The following STIM1 variants were observed in gnomAD, a reference collection of about 807,000 sequenced individuals.
The protein encoded by STIM1 is stromal interaction molecule 1.
STIM1 carries 25 observed loss-of-function variants against 74.7 expected under a neutral mutation model. The observed-to-expected ratio is 0.33, with a 90% CI of 0.24 to 0.47. The LOEUF (loss-of-function observed/expected upper bound fraction) is 0.47. Ranked by LOEUF, STIM1 falls within the 20% of genes least tolerant of loss-of-function variation. The pLI is 1.00. For synonymous variants in STIM1, 328 were observed against 348.8 expected, an observed-to-expected ratio of 0.94 and a Z score of 0.66; for missense variants, 728 against 920.8, an observed-to-expected ratio of 0.79 and a Z score of 2.71.
chr11:4,074,593 CAGGA>C lies in STIM1; in HGVS notation c.886_889del (p.Glu296ProfsTer4). The C allele has an allele frequency of 6.2e-7, 1 of 1,613,260 alleles. No homozygotes were observed. The highest frequency in any genetic ancestry group is 1.1e-5 in the South Asian group (1 of 90,850). On this transcript the variant is annotated frameshift_variant, in exon 7 of 13. Coordinates refer to ENST00000526596, the MANE Select transcript of STIM1 (RefSeq NM_001382567.1). LOFTEE classifies it high-confidence loss of function. ...GCGCGATGAGATCAACCTTGCTAAG[CAGGA>C]AGCCCAGCGGCTGAAGGAGCTGCGG... is the stretch of plus-strand genomic sequence containing the variant.
chr11:3,972,352 G>GTGCAA (rs2093404260), intron 2 of STIM1, among the ~76,000 whole-genome samples: 1 of 152,176 alleles, frequency 6.6e-6, no homozygotes, highest in Non-Finnish European at 1.5e-5. Context: ...CATGTCTTCA[G>GTGCAA]GGCCTCTTGC....
At chr11:3,860,977 C>T (rs576314399) in intron 1 of STIM1, among the ~76,000 whole-genome samples, 2 of 152,014 alleles carry the variant, frequency 1.3e-5, no homozygotes, top group Admixed American at 6.6e-5. Context: ...GGGTTAAAAG[C>T]GATCTGTGTG....
intron 2 of STIM1, among the ~76,000 whole-genome samples, chr11:3,998,394 G>A (rs1039700280): frequency 6.6e-6 from 1 of 152,092 alleles, no homozygotes; most frequent in Non-Finnish European, 1.5e-5. Context: ...TGACAATTTG[G>A]GGACCTTTTT....
chr11:3,950,463 C>T (rs965954681), intron 1 of STIM1, among the ~76,000 whole-genome samples: 13 of 151,786 alleles, frequency 8.6e-5, no homozygotes, highest in Non-Finnish European at 1.5e-5. Flanking sequence ...AGTCATGTAC[C>T]ATTGTACATA....
At chr11:3,929,178 T>G (rs2092828084) in intron 1 of STIM1, among the ~76,000 whole-genome samples, 1 of 152,240 alleles carries the variant, frequency 6.6e-6, no homozygotes, top group African/African-American at 2.4e-5. Flanking sequence ...GATGTCCTGC[T>G]TTGCTTTTCC....
intron 1 of STIM1, among the ~76,000 whole-genome samples, chr11:3,911,439 G>T (rs985826648): frequency 6.6e-6 from 1 of 152,030 alleles, no homozygotes; most frequent in Non-Finnish European, 1.5e-5. Flanking sequence ...TTGAGACAGG[G>T]TCTCACTCTG....
At chr11:3,941,585 ATGTG>A (rs111336047) in intron 1 of STIM1, among the ~76,000 whole-genome samples, 1,712 of 139,630 alleles carry the variant, frequency 0.012, 35 homozygotes, top group African/African-American at 0.042. Context: ...AAGCATATAT[ATGTG>A]TGTGTGTGTG....
At chr11:3,953,420 C>T (rs933012669) in intron 1 of STIM1, among the ~76,000 whole-genome samples, 1 of 152,118 alleles carries the variant, frequency 6.6e-6, no homozygotes, top group Non-Finnish European at 1.5e-5. Flanking sequence ...GCTTCCTCAC[C>T]CCACAGCCCT....
chr11:3,892,861 G>A (rs1209285288), intron 1 of STIM1: 1 of 1,600,608 alleles, frequency 6.2e-7, no homozygotes, highest in Non-Finnish European at 8.6e-7. Flanking sequence ...TGACAGCAAT[G>A]TCGAAGAACA....
chr11:3,939,984 TC>T (rs1448115004), intron 1 of STIM1, among the ~76,000 whole-genome samples: 2 of 152,204 alleles, frequency 1.3e-5, no homozygotes, highest in African/African-American at 4.8e-5. Flanking sequence ...CCACTGTAAA[TC>T]TTTTTTTGTT....
At chr11:3,982,747 T>C (rs1229766345) in intron 2 of STIM1, among the ~76,000 whole-genome samples, 1 of 152,196 alleles carries the variant, frequency 6.6e-6, no homozygotes. Flanking sequence ...CTAAAAACTA[T>C]GGGGTTTTAT....
intron 1 of STIM1, among the ~76,000 whole-genome samples, chr11:3,889,669 G>C (rs1465855171): frequency 6.6e-6 from 1 of 151,522 alleles, no homozygotes; most frequent in East Asian, 1.9e-4. Flanking sequence ...ACTTGTTAAA[G>C]TCACTTTCTA....
intron 1 of STIM1, among the ~76,000 whole-genome samples, chr11:3,870,869 CTTTT>C (rs1178631644): frequency 1.0e-5 from 1 of 98,122 alleles, no homozygotes; most frequent in Non-Finnish European, 2.0e-5. Context: ...ATCAGCTACT[CTTTT>C]TTTTTTTTTT....
chr11:4,058,234 A>C (rs1223702398), intron 4 of STIM1, among the ~76,000 whole-genome samples: 1 of 152,204 alleles, frequency 6.6e-6, no homozygotes, highest in Non-Finnish European at 1.5e-5. Flanking sequence ...GGAACAAAGC[A>C]ACTTATGATC....
At chr11:4,040,492 A>C (rs1015333694) in intron 3 of STIM1, among the ~76,000 whole-genome samples, 1 of 152,226 alleles carries the variant, frequency 6.6e-6, no homozygotes, top group African/African-American at 2.4e-5. Flanking sequence ...AGGCTAAGTT[A>C]GGTGTCTTCT....
intron 1 of STIM1, among the ~76,000 whole-genome samples, chr11:3,902,843 A>G (rs904901987): frequency 6.6e-5 from 10 of 152,174 alleles, no homozygotes; most frequent in African/African-American, 2.4e-4. Flanking sequence ...AGCTGGGCAG[A>G]TTGCAATTGG....
intron 1 of STIM1, among the ~76,000 whole-genome samples, chr11:3,956,330 T>A (rs1289258549): frequency 6.6e-6 from 1 of 152,140 alleles, no homozygotes; most frequent in East Asian, 1.9e-4. Flanking sequence ...GATTGGTGAT[T>A]GATTAAATGT....
At chr11:4,068,914 C>G (rs1193598467) in intron 5 of STIM1, among the ~76,000 whole-genome samples, 2 of 152,212 alleles carry the variant, frequency 1.3e-5, no homozygotes, top group African/African-American at 4.8e-5. Context: ...TTTCCACCAG[C>G]CCCATGTCCT....
intron 2 of STIM1, among the ~76,000 whole-genome samples, chr11:3,981,312 G>A (rs1387259595): frequency 6.6e-6 from 1 of 152,166 alleles, no homozygotes; most frequent in Non-Finnish European, 1.5e-5. Flanking sequence ...CCTTATGTTT[G>A]TCATGTTGCT....
Sources: allele counts gnomAD v4.1 joint callset (sites outside exome capture counted in the v4.1 genomes callset), GRCh38; gene constraint gnomAD v4.1.1; transcripts MANE v1.5; gene names NCBI Gene and HGNC (gene_info 2026-07-23, HGNC 2026-07-21).